The following KCNK2 variants were observed in gnomAD, a reference collection of about 807,000 sequenced individuals.
KCNK2 encodes potassium channel subfamily K member 2.
KCNK2 carries 21 observed loss-of-function variants against 40.5 expected under a neutral mutation model. That is an observed-to-expected ratio of 0.52 (90% CI 0.37 to 0.75). The LOEUF is 0.75. Ranked by LOEUF, KCNK2 falls within the 30% of genes least tolerant of loss-of-function variation. The pLI is 0.00. For synonymous variants in KCNK2, 191 were observed against 202.2 expected (o/e 0.94, Z 0.47); for missense variants, 399 against 531.6 (o/e 0.75, Z 2.45).
intron 5 of KCNK2, among the ~76,000 whole-genome samples, chr1:215,184,473 G>A (rs942257948): frequency 2.0e-5 from 3 of 152,056 alleles, no homozygotes; most frequent in African/African-American, 4.8e-5. Context: ...CCATTCTCAC[G>A]CTGCTAATAA....
At chr1:215,028,456 TTTA>T (rs1657072319) in intron 1 of KCNK2, among the ~76,000 whole-genome samples, 1 of 151,922 alleles carries the variant, frequency 6.6e-6, no homozygotes, top group African/African-American at 2.4e-5. Flanking sequence ...CTGTCTCAAT[TTTA>T]TTATTATATT....
At chr1:215,157,659 A>G (rs1472500356) in intron 3 of KCNK2, among the ~76,000 whole-genome samples, 1 of 152,194 alleles carries the variant, frequency 6.6e-6, no homozygotes, top group African/African-American at 2.4e-5. Context: ...CTGTGATAGT[A>G]CTATTTTACT....
intron 1 of KCNK2, among the ~76,000 whole-genome samples, chr1:215,011,044 C>T (rs1031991152): frequency 1.0e-4 from 15 of 149,824 alleles, no homozygotes; most frequent in Admixed American, 2.7e-4. Context: ...AAATTTACAT[C>T]AAGTAAAATT....
At chr1:215,095,574 A>C (rs1168750281) in intron 2 of KCNK2, among the ~76,000 whole-genome samples, 1 of 152,050 alleles carries the variant, frequency 6.6e-6, no homozygotes, top group Admixed American at 6.6e-5. Context: ...AAAATTGCAG[A>C]GCTTCTATTC....
chr1:215,101,699 G>A (rs769776491), intron 2 of KCNK2, among the ~76,000 whole-genome samples: 1 of 151,922 alleles, frequency 6.6e-6, no homozygotes, highest in African/African-American at 2.4e-5. Flanking sequence ...GGTCAATGAT[G>A]GATTGCATAT....
At chr1:215,212,548 G>C (rs957726068) in intron 6 of KCNK2, among the ~76,000 whole-genome samples, 3 of 152,052 alleles carry the variant, frequency 2.0e-5, no homozygotes, top group Non-Finnish European at 4.4e-5. Flanking sequence ...AAAGTGAAAG[G>C]GTGCTTAGAG....
At position 215,206,766 on chromosome 1, in the gene KCNK2, A is replaced by G. The variant is rs1470213370; in HGVS notation, c.963+11674A>G. ...TGCTGCTGAAGCTCTCTCTGGGGCC[A>G]TGACATTCTAATAATGCATATTGAT... On this transcript the variant is annotated intron_variant, in intron 6 of 6. Coordinates refer to ENST00000444842, the MANE Select transcript of KCNK2 (RefSeq NM_001017425.3). 2.0e-5 allele frequency among the ~76,000 whole-genome samples: 3 copies of G among 152,204 alleles called. No homozygotes were observed. In the South Asian group the frequency reaches 6.2e-4, roughly 31 times the overall value.
At chr1:215,030,455 T>G (rs1427823156) in intron 1 of KCNK2, among the ~76,000 whole-genome samples, 1 of 152,164 alleles carries the variant, frequency 6.6e-6, no homozygotes, top group East Asian at 1.9e-4. Flanking sequence ...GCCTTTGGTG[T>G]TGTATCTAAA....
At chr1:215,010,473 C>T (rs926961937) in intron 1 of KCNK2, among the ~76,000 whole-genome samples, 1 of 152,176 alleles carries the variant, frequency 6.6e-6, no homozygotes, top group African/African-American at 2.4e-5. Context: ...CCTTGCTCTG[C>T]ATGTGCATAG....
chr1:215,124,238 T>C (rs1447638151), intron 2 of KCNK2, among the ~76,000 whole-genome samples: 1 of 152,196 alleles, frequency 6.6e-6, no homozygotes, highest in Non-Finnish European at 1.5e-5. Context: ...AAATACTTTC[T>C]TTATGATGAA....
chr1:215,194,931 T>C, intron 5 of KCNK2, 22 bp from the exon 6 acceptor site: 6 of 1,609,982 alleles, frequency 3.7e-6, no homozygotes, highest in Non-Finnish European at 4.2e-6. Context: ...AGTTATTTTG[T>C]TTTACTTTGT....
Position 215,029,604 on chromosome 1 carries a change from A to G in KCNK2, c.34+23649A>G, listed in dbSNP as rs1371759951. Among the ~76,000 whole-genome samples the G allele has an allele frequency of 3.4e-5, 5 of 147,086 alleles. No homozygotes were observed. The East Asian group carries it at 8.0e-4, about 24-fold the overall frequency. Reference sequence around the variant, plus strand: ...AATATAAATATTTGATATATTTAATATATTAATATATATTTAATATATGAA... The same window carrying G: ...AATATAAATATTTGATATATTTAATGTATTAATATATATTTAATATATGAA... On this transcript the variant is annotated intron_variant, in intron 1 of 6. Coordinates refer to the KCNK2 transcript ENST00000391895.
intron 3 of KCNK2, among the ~76,000 whole-genome samples, chr1:215,126,013 A>G (rs1207629885): frequency 6.6e-6 from 1 of 151,914 alleles, no homozygotes; most frequent in African/African-American, 2.4e-5. Context: ...ATCTCATGGG[A>G]CTAGTTTCAG....
At chr1:215,209,988 AATATAT>A (rs1665643315) in intron 6 of KCNK2, among the ~76,000 whole-genome samples, 1 of 4,120 alleles carries the variant, frequency 2.4e-4, no homozygotes, top group Non-Finnish European at 2.4e-3. Context: ...TATTATATAT[AATATAT>A]AATATATATT....
At chr1:215,126,622 G>GC (rs1490907025) in intron 3 of KCNK2, among the ~76,000 whole-genome samples, 3 of 152,038 alleles carry the variant, frequency 2.0e-5, no homozygotes. Context: ...ACTTACTGTT[G>GC]CCCTGTATGT....
intron 1 of KCNK2, among the ~76,000 whole-genome samples, chr1:215,086,143 A>G (rs61818299): frequency 0.19 from 29,088 of 151,816 alleles, 3,514 homozygotes; most frequent in South Asian, 0.45. Context: ...TTTTCCTCTC[A>G]TTTTGAACTC....
intron 1 of KCNK2, among the ~76,000 whole-genome samples, chr1:215,036,690 T>G (rs113748826): frequency 1.3e-5 from 2 of 151,956 alleles, no homozygotes; most frequent in Admixed American, 6.6e-5. Flanking sequence ...CTTAAATCTT[T>G]GCTGCTTATG....
At chr1:215,078,917 A>G (rs1174183446), upstream of KCNK2, among the ~76,000 whole-genome samples, 1 of 152,210 alleles carries the variant, frequency 6.6e-6, no homozygotes, top group African/African-American at 2.4e-5. Flanking sequence ...TTGGAACTGC[A>G]AGAAAAGGCA....
chr1:215,094,165 A>G (rs1659877398), intron 2 of KCNK2, among the ~76,000 whole-genome samples: 1 of 151,128 alleles, frequency 6.6e-6, no homozygotes, highest in Non-Finnish European at 1.5e-5. Context: ...TGGAGAGATA[A>G]CATGCTGTCC....
Sources: allele counts gnomAD v4.1 joint callset (sites outside exome capture counted in the v4.1 genomes callset), GRCh38; gene constraint gnomAD v4.1.1; transcripts MANE v1.5; gene names NCBI Gene and HGNC (gene_info 2026-07-23, HGNC 2026-07-21).